LRRC4C: variants seen among roughly 807,000 people sequenced by gnomAD.
The protein encoded by LRRC4C is leucine-rich repeat-containing protein 4C.
A neutral mutation model predicts 33.6 loss-of-function variants in LRRC4C; 5 were observed. The ratio of observed to expected loss-of-function variants is 0.15; its 90% CI spans 0.08 to 0.31. The LOEUF is 0.31. LRRC4C is among the 10% of genes least tolerant of loss of function. The pLI is 1.00. For missense variants in LRRC4C, 560 were observed against 796.7 expected (o/e 0.70, Z 3.58); for synonymous variants, 329 against 302.0 (o/e 1.09, Z -0.93).
intron 3 of LRRC4C, among the ~76,000 whole-genome samples, chr11:40,617,313 A>G (rs1303738809): frequency 1.3e-5 from 2 of 151,752 alleles, no homozygotes; most frequent in Non-Finnish European, 3.0e-5. Context: ...AAGGAGGTTT[A>G]GGTCTAAAGA....
chr11:40,752,411 C>G (rs1468924050), intron 2 of LRRC4C, among the ~76,000 whole-genome samples: 1 of 151,836 alleles, frequency 6.6e-6, no homozygotes, highest in Non-Finnish European at 1.5e-5. Context: ...AATATATAAA[C>G]AAATCATCAC....
At chr11:41,185,763 G>A (rs1945666200) in intron 1 of LRRC4C, among the ~76,000 whole-genome samples, 1 of 151,380 alleles carries the variant, frequency 6.6e-6, no homozygotes, top group Non-Finnish European at 1.5e-5. Context: ...ATTCATAGAG[G>A]TAAATACTTT....
chr11:40,679,515 C>G (rs1012080709), intron 2 of LRRC4C, among the ~76,000 whole-genome samples: 1 of 152,186 alleles, frequency 6.6e-6, no homozygotes, highest in African/African-American at 2.4e-5. Flanking sequence ...GTTTCATGGG[C>G]TGGGCCCAGG....
chr11:41,324,627 T>C (rs1951054558), intron 1 of LRRC4C, among the ~76,000 whole-genome samples: 2 of 152,196 alleles, frequency 1.3e-5, no homozygotes, highest in Admixed American at 1.3e-4. Context: ...CTTTCTAAAA[T>C]GTTCTCCAGA....
chr11:40,569,087 A>C (rs1957874948), intron 3 of LRRC4C, among the ~76,000 whole-genome samples: 1 of 152,172 alleles, frequency 6.6e-6, no homozygotes, highest in Non-Finnish European at 1.5e-5. Flanking sequence ...TCTTAAATAA[A>C]TATATTAGGA....
At chr11:40,145,177 T>TTA (rs1491191361) in intron 5 of LRRC4C, among the ~76,000 whole-genome samples, 6 of 152,142 alleles carry the variant, frequency 3.9e-5, no homozygotes, top group Admixed American at 2.0e-4. Flanking sequence ...TGAAATAAAC[T>TTA]TATATATAGA....
At chr11:41,332,340 G>A (rs542393633) in intron 1 of LRRC4C, among the ~76,000 whole-genome samples, 16 of 152,012 alleles carry the variant, frequency 1.1e-4, no homozygotes, top group Middle Eastern at 3.4e-3. Flanking sequence ...AATACTTTAG[G>A]GTTTTTTTAA....
intron 1 of LRRC4C, among the ~76,000 whole-genome samples, chr11:41,088,153 G>A (rs1046858050): frequency 2.0e-5 from 3 of 152,040 alleles, no homozygotes; most frequent in African/African-American, 7.2e-5. Context: ...GGACTTGAAG[G>A]AAGTTTATGA....
At chr11:40,465,082 T>G (rs941875971) in intron 3 of LRRC4C, among the ~76,000 whole-genome samples, 1 of 151,876 alleles carries the variant, frequency 6.6e-6, no homozygotes, top group Non-Finnish European at 1.5e-5. Flanking sequence ...ATATAGTAAC[T>G]AAAACAGCAT....
chr11:40,808,881 C>T (rs1440883271), intron 2 of LRRC4C, among the ~76,000 whole-genome samples: 1 of 152,092 alleles, frequency 6.6e-6, no homozygotes, highest in Non-Finnish European at 1.5e-5. Flanking sequence ...CCTATTCTAC[C>T]TTTCTTCCTG....
intron 1 of LRRC4C, among the ~76,000 whole-genome samples, chr11:41,040,812 C>A (rs1857385394): frequency 6.6e-6 from 1 of 152,180 alleles, no homozygotes; most frequent in Admixed American, 6.5e-5. Flanking sequence ...TATACAACCA[C>A]CTTCTTTGGT....
At chr11:41,000,357 A>G (rs1319152089) in intron 1 of LRRC4C, among the ~76,000 whole-genome samples, 2 of 152,152 alleles carry the variant, frequency 1.3e-5, no homozygotes, top group Non-Finnish European at 1.5e-5. Flanking sequence ...AATTATTATC[A>G]ATTCTCTAGG....
intron 3 of LRRC4C, among the ~76,000 whole-genome samples, chr11:40,612,980 GA>G (rs1161336369): frequency 1.3e-5 from 2 of 151,834 alleles, no homozygotes; most frequent in Non-Finnish European, 2.9e-5. Context: ...ATACCTTGGT[GA>G]AAAAAATACT....
At chr11:41,185,873 A>T (rs184339095) in intron 1 of LRRC4C, among the ~76,000 whole-genome samples, 30 of 152,166 alleles carry the variant, frequency 2.0e-4, no homozygotes, top group East Asian at 5.8e-4. Context: ...CCAAAATTTT[A>T]AAAAAAGAAA....
intron 3 of LRRC4C, among the ~76,000 whole-genome samples, chr11:40,358,697 A>G (rs1213606235): frequency 6.6e-6 from 1 of 152,076 alleles, no homozygotes; most frequent in African/African-American, 2.4e-5. Flanking sequence ...ACTTTTTTCC[A>G]AAATGTGTGT....
chr11:40,279,996 C>A (rs1013054898), intron 4 of LRRC4C, among the ~76,000 whole-genome samples: 3 of 152,180 alleles, frequency 2.0e-5, no homozygotes, highest in Admixed American at 2.0e-4. Context: ...ACTACTCACC[C>A]TTTCTTTCAG....
chr11:40,838,918 A>G lies in LRRC4C; in HGVS notation c.-407+94717T>C, dbSNP rs559246276. Among the ~76,000 whole-genome samples the G allele has an allele frequency of 3.3e-5, 5 of 152,176 alleles. No individual in the cohort carries two copies. In the South Asian group the frequency reaches 8.3e-4, roughly 25 times the overall value. ...GTTTCCTTGATAATCAGAAAAAAAA[A>G]TGTATTTCTTTAACATTCTAGGGAG... On this transcript the variant is annotated intron_variant, in intron 2 of 6. Transcript: ENST00000528697.
At chr11:40,329,622 A>G (rs1047961411) in intron 3 of LRRC4C, among the ~76,000 whole-genome samples, 5 of 152,226 alleles carry the variant, frequency 3.3e-5, no homozygotes, top group African/African-American at 1.2e-4. Context: ...TCTACCTGTC[A>G]AAACTATCCA....
intron 1 of LRRC4C, among the ~76,000 whole-genome samples, chr11:41,074,820 G>A (rs1938983130): frequency 6.6e-6 from 1 of 151,858 alleles, no homozygotes; most frequent in African/African-American, 2.4e-5. Context: ...CTTACTACCT[G>A]GTAGGTTAAG....
Sources: allele counts gnomAD v4.1 joint callset (sites outside exome capture counted in the v4.1 genomes callset), GRCh38; gene constraint gnomAD v4.1.1; transcripts MANE v1.5; gene names NCBI Gene and HGNC (gene_info 2026-07-23, HGNC 2026-07-21).